Variants in PAK5 observed in about 807,000 individuals in gnomAD.
PAK5 encodes the protein p21 (RAC1) activated kinase 5, also known as serine/threonine-protein kinase PAK 5.
In PAK5, 16 loss-of-function variants were observed where a neutral mutation model predicts 65.9. The observed-to-expected ratio is 0.24, with a 90% CI of 0.16 to 0.37. PAK5 has a LOEUF of 0.37. PAK5 is among the 10% of genes least tolerant of loss of function. PAK5 has a pLI of 1.00. For missense variants in PAK5, 785 were observed against 903.9 expected (o/e 0.87, Z 1.69); for synonymous variants, 371 against 354.9 (o/e 1.05, Z -0.51).
At chr20:9,758,830 G>C (rs1329328590) in intron 1 of PAK5, among the ~76,000 whole-genome samples, 1 of 152,054 alleles carries the variant, frequency 6.6e-6, no homozygotes, top group African/African-American at 2.4e-5. Flanking sequence ...ACATCCACAG[G>C]CTCCCTTCTT....
chr20:9,764,406 A>G (rs940113315), intron 1 of PAK5, among the ~76,000 whole-genome samples: 1 of 152,222 alleles, frequency 6.6e-6, no homozygotes, highest in African/African-American at 2.4e-5. Context: ...AATTTGATCA[A>G]TTGGAAGAGG....
chr20:9,776,387 C>G (rs527653829), intron 1 of PAK5, among the ~76,000 whole-genome samples: 4 of 152,302 alleles, frequency 2.6e-5, no homozygotes, highest in African/African-American at 9.6e-5. Context: ...TAAGCAGTAA[C>G]CCATTCCTTG....
At chr20:9,597,294 T>C (rs1837849939) in intron 3 of PAK5, among the ~76,000 whole-genome samples, 1 of 152,238 alleles carries the variant, frequency 6.6e-6, no homozygotes, top group Admixed American at 6.5e-5. Flanking sequence ...TTACAGCTCC[T>C]ACAAAGTGCA....
At chr20:9,606,206 C>T (rs2046451012) in intron 3 of PAK5, among the ~76,000 whole-genome samples, 1 of 152,148 alleles carries the variant, frequency 6.6e-6, no homozygotes, top group Admixed American at 6.5e-5. Flanking sequence ...AGATCTCAGT[C>T]TTCAAAAGTG....
chr20:9,585,442 T>G (rs2046052386), intron 3 of PAK5, among the ~76,000 whole-genome samples: 1 of 152,220 alleles, frequency 6.6e-6, no homozygotes, highest in African/African-American at 2.4e-5. Context: ...AACAAAATAT[T>G]ACCAGTAAGC....
In PAK5 at chr20:9,752,996, C is replaced by T. The variant is rs190867345; in HGVS notation, c.-161-41561G>A. ...GTCTTCTGCAATATGACAGACTACA[C>T]AGAAAGTGGCCTCAGTTATCCTAGA... On this transcript the variant is annotated intron_variant, in intron 1 of 9. Transcript: ENST00000353224. Among the ~76,000 whole-genome samples the T allele has an allele frequency of 2.8e-4, 42 of 152,236 alleles. No individual in the cohort carries two copies. The East Asian group carries it at 7.0e-3, about 25-fold the overall frequency.
chr20:9,668,578 G>T (rs2047450603), intron 2 of PAK5, among the ~76,000 whole-genome samples: 1 of 152,122 alleles, frequency 6.6e-6, no homozygotes, highest in Non-Finnish European at 1.5e-5. Context: ...AGTAACAAGG[G>T]GACTGGCGAC....
intron 2 of PAK5, among the ~76,000 whole-genome samples, chr20:9,685,231 T>C (rs1165637376): frequency 6.6e-6 from 1 of 152,192 alleles, no homozygotes; most frequent in Non-Finnish European, 1.5e-5. Context: ...ATCTTACAGT[T>C]TTCCCCCTTG....
chr20:9,701,692 C>T (rs1215532023), intron 2 of PAK5, among the ~76,000 whole-genome samples: 1 of 152,070 alleles, frequency 6.6e-6, no homozygotes, highest in Non-Finnish European at 1.5e-5. Context: ...ATCCTGGATA[C>T]ATTTATAAAA....
chr20:9,644,287 C>T lies in PAK5; in HGVS notation c.42G>A (p.Pro14=), dbSNP rs370805526. 153 of 1,606,492 alleles carry T rather than the reference C, an allele frequency of 9.5e-5. No individual in the cohort carries two copies. The highest frequency in any genetic ancestry group is 6.7e-4 in the Middle Eastern group (4 of 6,008). ...TATGAACCCTGTGTTCAAAGTTGGA[C>T]GGGCCAGATATTTCAATCTTTTTCT... is the stretch of plus-strand genomic sequence containing the variant. ...KKKKKIEISG[P]SNFEHRVHTG... The change falls in exon 3 of 10, where the codon CCG becomes CCA. Residue 14 remains proline (P), a synonymous_variant. Coordinates refer to ENST00000353224, the MANE Select transcript of PAK5 (RefSeq NM_177990.4).
chr20:9,835,203 T>G (rs775032635), intron 1 of PAK5, among the ~76,000 whole-genome samples: 1 of 152,198 alleles, frequency 6.6e-6, no homozygotes, highest in Non-Finnish European at 1.5e-5. Context: ...GAGCACCTTC[T>G]GCATATAAGA....
chr20:9,545,977 T>C (rs1174126635), intron 7 of PAK5, among the ~76,000 whole-genome samples: 2 of 152,002 alleles, frequency 1.3e-5, no homozygotes, highest in Non-Finnish European at 2.9e-5. Flanking sequence ...GCTTGGCCCA[T>C]GATAGGTTTT....
chr20:9,812,482 A>C (rs2049309318), intron 1 of PAK5, among the ~76,000 whole-genome samples: 1 of 152,168 alleles, frequency 6.6e-6, no homozygotes, highest in African/African-American at 2.4e-5. Flanking sequence ...CTTACTATAA[A>C]GTGTTGGAAC....
At chr20:9,657,263 G>T (rs141232256) in intron 2 of PAK5, among the ~76,000 whole-genome samples, 1 of 152,100 alleles carries the variant, frequency 6.6e-6, no homozygotes, top group African/African-American at 2.4e-5. Context: ...ATCTGGGATG[G>T]TCCTGTTTCC....
chr20:9,730,069 T>G (rs1257099751), intron 1 of PAK5, among the ~76,000 whole-genome samples: 1 of 150,522 alleles, frequency 6.6e-6, no homozygotes, highest in Admixed American at 6.6e-5. Context: ...TTAGAATTTT[T>G]CAAACAAATG....
At chr20:9,722,531 G>A (rs1356122806) in intron 1 of PAK5, among the ~76,000 whole-genome samples, 3 of 151,840 alleles carry the variant, frequency 2.0e-5, no homozygotes, top group South Asian at 4.2e-4. Context: ...AGAATGGCAT[G>A]AACCCGGGAG....
At chr20:9,713,608 A>C (rs2048105131) in intron 1 of PAK5, among the ~76,000 whole-genome samples, 1 of 141,992 alleles carries the variant, frequency 7.0e-6, no homozygotes, top group African/African-American at 2.6e-5. Context: ...ATATGGAATC[A>C]ACTTAAGTTT....
At chr20:9,747,797 A>G (rs1395850915) in intron 1 of PAK5, among the ~76,000 whole-genome samples, 3 of 150,692 alleles carry the variant, frequency 2.0e-5, no homozygotes, top group Non-Finnish European at 4.4e-5. Flanking sequence ...GCCCTCTCTC[A>G]CCACTCCTAT....
Position 9,544,468 on chromosome 20 carries a change from A to G in PAK5, c.1770T>C (p.Cys590=). Residue 590 remains cysteine (C), a synonymous_variant, in exon 8 of 10, where the codon TGT becomes TGC. Coordinates refer to ENST00000353224, the MANE Select transcript of PAK5 (RefSeq NM_177990.4). ...GRIKLSDFGF[C]AQVSKEVPKR... is the part of the protein sequence containing the mutation. ...TCGGCACCTCTTTGGAAACTTGAGCACAGAAACCAAAATCAGACAACTTTA... is the reference window on the plus strand; with the variant it reads ...TCGGCACCTCTTTGGAAACTTGAGCGCAGAAACCAAAATCAGACAACTTTA... 1 of 1,614,056 alleles carries G rather than the reference A, an allele frequency of 6.2e-7. No individual in the cohort carries two copies. Among genetic ancestry groups the G allele is most frequent in the South Asian group, 1.1e-5 (1 of 91,086 alleles).
Sources: gnomAD v4.1 joint callset for allele counts (sites outside exome capture counted in the v4.1 genomes callset) on GRCh38, gnomAD v4.1.1 for gene constraint, MANE v1.5 for transcripts, NCBI Gene and HGNC (gene_info 2026-07-23, HGNC 2026-07-21) for gene names.